The following MEIS1 variants were observed in gnomAD, a reference collection of about 807,000 sequenced individuals.
MEIS1 encodes the protein homeobox protein Meis1.
Under a neutral mutation model 50.8 loss-of-function variants are expected in MEIS1, and 5 were observed. The observed-to-expected ratio is 0.10, with a 90% CI of 0.05 to 0.21. The LOEUF (loss-of-function observed/expected upper bound fraction) is 0.21. Ranked by LOEUF, MEIS1 falls within the 10% of genes least tolerant of loss-of-function variation. The pLI, the probability that MEIS1 is intolerant of heterozygous loss-of-function variation, is 1.00. For missense variants in MEIS1, 318 were observed against 517.3 expected (o/e 0.61, Z 3.74); for synonymous variants, 176 against 179.3 (o/e 0.98, Z 0.15).
chr2:66,510,359 A>C (rs895511850), intron 7 of MEIS1, among the ~76,000 whole-genome samples: 6 of 152,308 alleles, frequency 3.9e-5, no homozygotes, highest in African/African-American at 1.4e-4. Context: ...CACAGACCCC[A>C]GTAGTTCCAT....
intron 4 of MEIS1, chr2:66,441,017 G>A (rs1671966044): frequency 3.1e-6 from 1 of 324,914 alleles, no homozygotes; most frequent in Admixed American, 4.6e-5. Flanking sequence ...TGTAAGGAAG[G>A]CAGCAGAAAC....
At chr2:66,475,034 A>C (rs1672856665) in intron 7 of MEIS1, among the ~76,000 whole-genome samples, 1 of 151,622 alleles carries the variant, frequency 6.6e-6, no homozygotes, top group South Asian at 2.1e-4. Context: ...GAGTGCCCCT[A>C]CTACTTATGA....
intron 8 of MEIS1, among the ~76,000 whole-genome samples, chr2:66,515,707 C>G (rs1271277361): frequency 6.6e-6 from 1 of 151,986 alleles, no homozygotes. Context: ...TTGGCAGAGT[C>G]GATAAGTAGA....
chr2:66,495,078 ACCTTTTTTTTTTTTT>A (rs1188641212), intron 7 of MEIS1, among the ~76,000 whole-genome samples: 57 of 85,078 alleles, frequency 6.7e-4, no homozygotes, highest in African/African-American at 2.1e-3. Flanking sequence ...CCCTCTTCTG[ACCTTTTTTTTTTTTT>A]TTTTTTTTTT....
intron 7 of MEIS1, among the ~76,000 whole-genome samples, chr2:66,485,598 C>T (rs923161917): frequency 2.0e-5 from 3 of 152,172 alleles, no homozygotes; most frequent in African/African-American, 7.2e-5. Context: ...GATTTATAAT[C>T]CTTTGGGAAT....
chr2:66,443,097 T>C, intron 6 of MEIS1, 49 bp downstream of exon 6: 6 of 1,543,282 alleles, frequency 3.9e-6, no homozygotes, highest in Non-Finnish European at 5.2e-6. Context: ...AAAATCTGTA[T>C]GCATATTGCT....
At chr2:66,495,543 G>A (rs554429463) in intron 7 of MEIS1, among the ~76,000 whole-genome samples, 1 of 152,266 alleles carries the variant, frequency 6.6e-6, no homozygotes, top group Admixed American at 6.5e-5. Context: ...GAGAAACAAG[G>A]GGACAGTTGT....
chr2:66,532,425 G>A (rs1332059246), intron 8 of MEIS1, among the ~76,000 whole-genome samples: 1 of 151,698 alleles, frequency 6.6e-6, no homozygotes, highest in African/African-American at 2.4e-5. Context: ...AAACACAAAA[G>A]CATGGAACAA....
chr2:66,517,270 A>G (rs1466547295), intron 8 of MEIS1, among the ~76,000 whole-genome samples: 1 of 152,168 alleles, frequency 6.6e-6, no homozygotes, highest in African/African-American at 2.4e-5. Context: ...ACTAGTCCTA[A>G]TCTACCTTAA....
chr2:66,560,522 G>T (rs1412115403), intron 9 of MEIS1, among the ~76,000 whole-genome samples: 4 of 150,922 alleles, frequency 2.7e-5, no homozygotes, highest in Non-Finnish European at 4.4e-5. Flanking sequence ...GGAGGTGGAG[G>T]TTGCTAAGCT....
intron 6 of MEIS1, 152 bp downstream of exon 6, chr2:66,443,200 G>C (rs1672041901): frequency 1.2e-6 from 1 of 834,122 alleles, no homozygotes; most frequent in East Asian, 3.2e-5. Context: ...TGAATAATGT[G>C]GCTATTATTG....
chr2:66,494,008 G>GA (rs1045800947), intron 7 of MEIS1, among the ~76,000 whole-genome samples: 1 of 151,776 alleles, frequency 6.6e-6, no homozygotes, highest in African/African-American at 2.4e-5. Context: ...ATTGTTTCCT[G>GA]AAAAAAAAGT....
intron 2 of MEIS1, among the ~76,000 whole-genome samples, chr2:66,438,318 G>T (rs1440120765): frequency 2.6e-5 from 4 of 152,184 alleles, no homozygotes; most frequent in African/African-American, 9.6e-5. Flanking sequence ...CTAAATGCAG[G>T]CGCCTTTGTG....
intron 10 of MEIS1, chr2:66,568,432 G>A: frequency 4.9e-6 from 2 of 408,392 alleles, no homozygotes; most frequent in South Asian, 5.3e-5. Context: ...CAAAACCCAA[G>A]CAGAAAGTTT....
chr2:66,467,689 G>A (rs1672671768), intron 7 of MEIS1, among the ~76,000 whole-genome samples: 1 of 152,042 alleles, frequency 6.6e-6, no homozygotes, highest in Non-Finnish European at 1.5e-5. Context: ...CTATTATTCA[G>A]GGATTTAATG....
chr2:66,560,411 C>A (rs1298587898), intron 9 of MEIS1, among the ~76,000 whole-genome samples: 1 of 151,514 alleles, frequency 6.6e-6, no homozygotes, highest in Admixed American at 6.6e-5. Flanking sequence ...CATAGTGAAA[C>A]CTTGTCTCTA....
chr2:66,497,123 A>G (rs929929998), intron 7 of MEIS1, among the ~76,000 whole-genome samples: 1 of 152,172 alleles, frequency 6.6e-6, no homozygotes, highest in African/African-American at 2.4e-5. Flanking sequence ...AGCAATAAGA[A>G]AGGACTGTCT....
intron 10 of MEIS1, 65 bp downstream of exon 10, chr2:66,567,576 G>A (rs757618186): frequency 9.4e-6 from 14 of 1,484,908 alleles, no homozygotes; most frequent in East Asian, 4.6e-5. Flanking sequence ...GCCATTCACC[G>A]GGAGGTCCGC....
At chr2:66,447,978 G>A (rs1035519596) in intron 6 of MEIS1, among the ~76,000 whole-genome samples, 1 of 152,116 alleles carries the variant, frequency 6.6e-6, no homozygotes, top group African/African-American at 2.4e-5. Context: ...TAGCTCCATG[G>A]CAGTAGGTCA....
Sources: allele counts gnomAD v4.1 joint callset (sites outside exome capture counted in the v4.1 genomes callset), GRCh38; gene constraint gnomAD v4.1.1; transcripts MANE v1.5; gene names NCBI Gene and HGNC (gene_info 2026-07-23, HGNC 2026-07-21).